The following C3 variants were observed in gnomAD, a reference collection of about 807,000 sequenced individuals.
The protein encoded by C3 is complement C3, also known as C3 and PZP-like alpha-2-macroglobulin domain-containing protein 1.
C3 carries 97 observed loss-of-function variants against 207.9 expected under a neutral mutation model. The observed-to-expected ratio is 0.47, with a 90% CI of 0.40 to 0.55. C3 has a LOEUF of 0.55. Among genes scored for constraint, C3 ranks in the 20% least tolerant of loss-of-function variants. The pLI is 0.00. For synonymous variants in C3, 848 were observed against 857.6 expected, an observed-to-expected ratio of 0.99 and a Z score of 0.20; for missense variants, 1,684 against 2,171.7, an observed-to-expected ratio of 0.78 and a Z score of 4.46.
At chr19:6,703,067 C>T (rs771117381) in intron 17 of C3, among the ~76,000 whole-genome samples, 1 of 151,924 alleles carries the variant, frequency 6.6e-6, no homozygotes, top group African/African-American at 2.4e-5. Context: ...AAAAGAGAGC[C>T]GACCTACTTC....
intron 19 of C3, among the ~76,000 whole-genome samples, chr19:6,701,334 A>G (rs1451788561): frequency 6.6e-6 from 1 of 152,104 alleles, no homozygotes; most frequent in Non-Finnish European, 1.5e-5. Flanking sequence ...CGTGCATGCT[A>G]GTACCTACAG....
rs1158568214 is a variant in C3, at chr19:6,713,413, G to C, written c.870C>G (p.Arg290=). Residue 290 remains arginine, a synonymous_variant, in exon 8 of 41, where the codon CGC becomes CGG. Coordinates refer to ENST00000245907, the MANE Select transcript of C3 (RefSeq NM_000064.4). ...QRISLPESLK[R]IPIEDGSGEV... ...CGGCCTCCGTCTATGGTACCGGAAT[G>C]CGCTTGAGGGATTCAGGCAGGGAAA... 6.2e-7 allele frequency: 1 copy of C among 1,613,874 alleles called. No homozygotes were observed. Among genetic ancestry groups the C allele is most frequent in the Admixed American group, 1.7e-5 (1 of 60,006 alleles).
intron 14 of C3, among the ~76,000 whole-genome samples, chr19:6,708,579 C>T (rs1198641574): frequency 6.7e-6 from 1 of 148,772 alleles, no homozygotes; most frequent in Non-Finnish European, 1.5e-5. Context: ...TTCCTTCCTT[C>T]TTTCCTTCCT....
At chr19:6,716,939 G>A (rs1032404615) in intron 4 of C3, 1 of 152,260 alleles carries the variant, frequency 6.6e-6, no homozygotes, top group Non-Finnish European at 1.5e-5. Flanking sequence ...CAAGCTGTGT[G>A]GATATTTGGA....
intron 17 of C3, among the ~76,000 whole-genome samples, chr19:6,706,501 C>T (rs1967775974): frequency 6.6e-6 from 1 of 152,146 alleles, no homozygotes; most frequent in Non-Finnish European, 1.5e-5. Context: ...ACTTGATCCT[C>T]CCCTCTTCAG....
chr19:6,679,033 G>T, intron 38 of C3, 92 bp downstream of exon 38: 1 of 978,296 alleles, frequency 1.0e-6, no homozygotes. Flanking sequence ...CCCACAGCCT[G>T]AAGCCACACC....
At position 6,689,342 on chromosome 19, in the gene C3, TCC is replaced by T. The variant is rs1246926725; in HGVS notation, c.3489+1285_3489+1286del. Among the ~76,000 whole-genome samples the T allele has an allele frequency of 3.8e-3, 99 of 25,950 alleles. 5 individuals carry two copies. Among genetic ancestry groups the T allele is most frequent in the African/African-American group, 0.014 (78 of 5,640 alleles). The allele number at this position is 25,950 out of a possible 152,430, so 17.0% of individuals were successfully genotyped here. A position where few individuals can be genotyped will look rare whatever the true frequency, so the allele number is the denominator to read the frequency against. ...CTCTCTACCTACCTCCCTCCCTCCC[TCC>T]CTCCCTCCCTCCCTCCCTCTCTCTC... On this transcript the variant is annotated intron_variant, in intron 27 of 40. Transcript: ENST00000245907.
rs373167228 is a variant in C3 at position 6,707,515 on chromosome 19, G to A, written c.1998C>T (p.Ala666=). 1.6e-5 allele frequency: 26 copies of A among 1,613,920 alleles called. No individual in the cohort carries two copies. In the Admixed American group the frequency reaches 2.2e-4, roughly 13 times the overall value. Residue 666 remains alanine (A), a synonymous_variant, in exon 16 of 41, where the codon GCC becomes GCT. Coordinates refer to ENST00000245907, the MANE Select transcript of C3 (RefSeq NM_000064.4). ...QRAELQCPQP[A]ARRRRSVQLT... The stretch of plus-strand genomic sequence containing the variant: ...GCTGCACGGAACGGCGTCGGCGGGC[G>A]GCTGGCTGCGGGCACTGAAGTTCTG...
chr19:6,680,139 C>A lies in C3; in HGVS notation c.4456+19G>T. ...GCCCCTGGAACCATCAGACCCCAGG[C>A]CCTAGGTTGGCTGCTCACCCAGGTT... On this transcript the variant is annotated intron_variant, in intron 36 of 40. Coordinates refer to ENST00000245907, the MANE Select transcript of C3 (RefSeq NM_000064.4). 1 of 1,394,812 alleles carries A rather than the reference C, an allele frequency of 7.2e-7. No individual in the cohort carries two copies. Among genetic ancestry groups the A allele is most frequent in the Non-Finnish European group, 1.0e-6 (1 of 980,140 alleles). 86.4% of individuals were successfully genotyped at this position (1,394,812 alleles called of 1,614,324 possible).
intron 20 of C3, 40 bp from the exon 21 acceptor site, chr19:6,697,596 A>G (rs1967567755): frequency 6.2e-7 from 1 of 1,613,744 alleles, no homozygotes. Context: ...TGTGTGTGCA[A>G]CAGGCTACCT....
rs1489284862 is a variant in C3 at position 6,720,091 on chromosome 19, C to A, written c.74+425G>T. On this transcript the variant is annotated intron_variant, in intron 1 of 40. Coordinates refer to ENST00000245907, the MANE Select transcript of C3 (RefSeq NM_000064.4). ...CCCCCAACCGCACCATCAATGAACA[C>A]CACATACACCCTAAACCAACAGATG... 2.6e-5 allele frequency among the ~76,000 whole-genome samples: 4 copies of A among 152,168 alleles called. No homozygotes were observed. The East Asian group carries it at 7.7e-4, about 29-fold the overall frequency.
In C3 at chr19:6,678,268, A is replaced by T; in HGVS notation, c.4734T>A (p.Val1578=). The T allele has an allele frequency of 6.2e-7, 1 of 1,614,160 alleles. No individual in the cohort carries two copies. The highest frequency in any genetic ancestry group is 8.5e-7 in the Non-Finnish European group (1 of 1,180,024). The change falls in exon 40 of 41, where the codon GTT becomes GTA. Residue 1578 remains valine (V), a synonymous_variant. Transcript: ENST00000245907. ...GGCTGATGAACGTGCGCTGCTGTCC[A>T]ACCTGCACCTCATCCGAGCCTGGAG... ...TIKSGSDEVQ[V]GQQRTFISPI...
Position 6,682,046 on chromosome 19 carries a change from G to A in C3, c.4261-16C>T. The A allele has an allele frequency of 6.2e-7, 1 of 1,612,272 alleles. No homozygotes were observed. Among genetic ancestry groups the A allele is most frequent in the Non-Finnish European group, 8.5e-7 (1 of 1,178,270 alleles). ...CATTGGCCAGCTGGGGAAAGGTGGA[G>A]CCTGTGAAAAATCCCTCCTGGACCC... On this transcript the variant is annotated splice_polypyrimidine_tract_variant and intron_variant, in intron 34 of 40. Transcript: ENST00000245907.
chr19:6,680,500 A>G (rs1917833117), intron 35 of C3, among the ~76,000 whole-genome samples: 1 of 152,218 alleles, frequency 6.6e-6, no homozygotes, highest in African/African-American at 2.4e-5. Context: ...ATCTATGCCC[A>G]TAAAAACAAC....
Position 6,718,122 on chromosome 19 carries a change from A to T in C3, c.476T>A (p.Val159Glu), listed in dbSNP as rs1237755110. The change falls in exon 4 of 41, where the codon GTG becomes GAG. Residue 159 changes from valine (V) to glutamate (E), a missense_variant. This residue lies in a region of C3 where 1,280 missense variants were observed against 1,739.1 expected (regional missense o/e 0.74). Transcript: ENST00000245907. ...IFTVNHKLLP[V>E]GRTVMVNIEN... The stretch of plus-strand genomic sequence containing the variant: ...AATGTTGACCATGACCGTCCGGCCC[A>T]CGGGTAGCAGCTTGTGGTTGACGGT... 1 of 1,613,932 alleles carries T rather than the reference A, an allele frequency of 6.2e-7. No homozygotes were observed. The highest frequency in any genetic ancestry group is 2.2e-5 in the East Asian group (1 of 44,890).
chr19:6,688,107 G>A (rs1038660909), intron 27 of C3, among the ~76,000 whole-genome samples: 5 of 151,068 alleles, frequency 3.3e-5, no homozygotes, highest in African/African-American at 2.4e-5. Context: ...GCCTCCCAAA[G>A]TGCTGGGATT....
At position 6,678,255 on chromosome 19, in the gene C3, T is replaced by C; in HGVS notation, c.4747A>G (p.Thr1583Ala). ...SDEVQVGQQRTFISPIKCREA... is the reference protein window; with the variant it reads ...SDEVQVGQQRAFISPIKCREA... The stretch of plus-strand genomic sequence containing the variant: ...CTGCACTTGATGGGGCTGATGAACG[T>C]GCGCTGCTGTCCAACCTGCACCTCA... Residue 1583 changes from threonine to alanine, a missense_variant, in exon 40 of 41, where the codon ACG becomes GCG. Physicochemically the swap from Thr to Ala is moderately conservative, Grantham distance 58. Around this residue, in one of 3 missense-constraint regions of C3, gnomAD observed 346 missense variants for 380.1 expected, o/e 0.91. Transcript: ENST00000245907. 1 of 1,614,130 alleles carries C rather than the reference T, an allele frequency of 6.2e-7. No individual in the cohort carries two copies. Among genetic ancestry groups the C allele is most frequent in the Non-Finnish European group, 8.5e-7 (1 of 1,180,014 alleles).
At chr19:6,688,752 A>G (rs11569524) in intron 27 of C3, among the ~76,000 whole-genome samples, 124 of 152,274 alleles carry the variant, frequency 8.1e-4, no homozygotes, top group African/African-American at 2.9e-3. Context: ...AATCTCTTTT[A>G]TTCCTGCCCA....
Position 6,697,347 on chromosome 19 carries a change from G to T in C3, c.2793C>A (p.Val931=). 1 of 1,613,172 alleles carries T rather than the reference G, an allele frequency of 6.2e-7. No homozygotes were observed. Among genetic ancestry groups the T allele is most frequent in the South Asian group, 1.1e-5 (1 of 91,016 alleles). ...TGTGGGTGCCCCAAGCACTCACCACGACCTTCAGGGACTTCCTGACACCGT... is the reference window on the plus strand; with the variant it reads ...TGTGGGTGCCCCAAGCACTCACCACTACCTTCAGGGACTTCCTGACACCGT... ...ISDGVRKSLK[V]VPEGIRMNKT... Residue 931 remains valine (V), a synonymous_variant, in exon 21 of 41, where the codon GTC becomes GTA. Coordinates refer to ENST00000245907, the MANE Select transcript of C3 (RefSeq NM_000064.4).
Sources: allele counts gnomAD v4.1 joint callset (sites outside exome capture counted in the v4.1 genomes callset), GRCh38; gene constraint gnomAD v4.1.1; regional missense constraint gnomAD v4.1.1; transcripts MANE v1.5; gene names NCBI Gene and HGNC (gene_info 2026-07-23, HGNC 2026-07-21).